TFDP2: variants seen among roughly 807,000 people sequenced by gnomAD.
The protein encoded by TFDP2 is transcription factor Dp-2, also known as transcription factor Dp-2 (E2F dimerization partner 2).
In TFDP2, 17 loss-of-function variants were observed where a neutral mutation model predicts 59.3. That is an observed-to-expected ratio of 0.29 (90% confidence interval 0.20 to 0.43). The LOEUF (loss-of-function observed/expected upper bound fraction) is 0.43. TFDP2 is among the 20% of genes least tolerant of loss of function. The probability of loss-of-function intolerance (pLI) is 1.00; values close to 1 mark genes in which losing one functional copy is unlikely to be tolerated. For missense variants in TFDP2, 391 were observed against 528.8 expected (o/e 0.74, Z 2.56); for synonymous variants, 180 against 194.7 (o/e 0.92, Z 0.63).
chr3:141,989,619 A>G (rs574247960), intron 6 of TFDP2: 1 of 152,246 alleles, frequency 6.6e-6, no homozygotes, highest in East Asian at 1.9e-4. Flanking sequence ...CCAGCTGCTA[A>G]AAGTCTTTAT....
chr3:141,985,354 C>A (rs1941967364), intron 6 of TFDP2, among the ~76,000 whole-genome samples: 1 of 151,638 alleles, frequency 6.6e-6, no homozygotes, highest in African/African-American at 2.4e-5. Context: ...CATAGTGAGA[C>A]CTCATCTCTA....
At chr3:142,020,708 G>A (rs1333451783) in intron 3 of TFDP2, among the ~76,000 whole-genome samples, 1 of 151,374 alleles carries the variant, frequency 6.6e-6, no homozygotes, top group East Asian at 1.9e-4. Context: ...TTCAGGCTAG[G>A]TGTGATGACT....
rs142598439 is a variant in TFDP2, at chr3:142,044,226, G to GTTT, written c.83-38685_83-38683dup. 1.1e-3 allele frequency: 135 copies of GTTT among 118,224 alleles called. 1 individual carries two copies. Among genetic ancestry groups the GTTT allele is most frequent in the South Asian group, 3.5e-3 (23 of 6,546 alleles). The allele number at this position is 118,224 out of a possible 1,614,324, so 7.3% of individuals were successfully genotyped here. A position where few individuals can be genotyped will look rare whatever the true frequency, so the allele number is the denominator to read the frequency against. ...CTGCGGCGGCGGCAGCAGCAAAAGG[G>GTTT]TTTTTTTTTTTTTTTTTTTTTTTTT... On this transcript the variant is annotated intron_variant, in intron 3 of 12. Coordinates refer to ENST00000489671, the MANE Select transcript of TFDP2 (RefSeq NM_001178139.2).
intron 1 of TFDP2, among the ~76,000 whole-genome samples, chr3:142,112,194 C>T (rs1380007134): frequency 6.6e-6 from 1 of 152,190 alleles, no homozygotes; most frequent in Non-Finnish European, 1.5e-5. Flanking sequence ...CATTCTAATT[C>T]TTTAAAAACC....
intron 1 of TFDP2, among the ~76,000 whole-genome samples, chr3:142,132,153 A>G (rs1270821341): frequency 6.6e-6 from 1 of 150,388 alleles, no homozygotes; most frequent in East Asian, 1.9e-4. Context: ...TGCAATATAA[A>G]GGGATGATTA....
intron 11 of TFDP2, among the ~76,000 whole-genome samples, chr3:141,955,478 T>C (rs929389133): frequency 3.3e-5 from 5 of 151,986 alleles, no homozygotes; most frequent in African/African-American, 1.2e-4. Context: ...GGACCCAGGC[T>C]GGAGAGCGTG....
At chr3:142,129,057 T>C (rs1406918388) in intron 1 of TFDP2, among the ~76,000 whole-genome samples, 8 of 152,028 alleles carry the variant, frequency 5.3e-5, no homozygotes, top group Non-Finnish European at 1.0e-4. Flanking sequence ...AACCTGTCAA[T>C]ACGAGTAACT....
At position 142,064,568 on chromosome 3, in the gene TFDP2, A is replaced by C. The variant is rs12054353; in HGVS notation, c.82+28493T>G. Among the ~76,000 whole-genome samples the C allele has an allele frequency of 3.9e-5, 6 of 152,312 alleles. No individual in the cohort carries two copies. The East Asian group carries it at 1.2e-3, about 29-fold the overall frequency. On this transcript the variant is annotated intron_variant, in intron 3 of 12. Transcript: ENST00000489671. Reference sequence around the variant, plus strand: ...TGGGAGACTGAGGACCTTATTGATAAATAATGTTTTCATCTTCTCTAATTC... The same window carrying C: ...TGGGAGACTGAGGACCTTATTGATACATAATGTTTTCATCTTCTCTAATTC...
intron 3 of TFDP2, among the ~76,000 whole-genome samples, chr3:142,087,056 T>C (rs1277194265): frequency 1.3e-5 from 2 of 152,104 alleles, no homozygotes; most frequent in African/African-American, 4.8e-5. Flanking sequence ...TACAAGGGTA[T>C]TAGGAACTCT....
At chr3:142,141,308 T>C (rs1436189406) in intron 1 of TFDP2, among the ~76,000 whole-genome samples, 3 of 152,210 alleles carry the variant, frequency 2.0e-5, no homozygotes, top group Non-Finnish European at 4.4e-5. Flanking sequence ...GGAAATCTTC[T>C]GATCCCTTGT....
chr3:141,955,860 T>G (rs1936549932), intron 11 of TFDP2, among the ~76,000 whole-genome samples: 1 of 152,172 alleles, frequency 6.6e-6, no homozygotes, highest in African/African-American at 2.4e-5. Flanking sequence ...CAGGCTGGAG[T>G]GCAGTGGTGC....
intron 3 of TFDP2, among the ~76,000 whole-genome samples, chr3:142,070,014 T>C (rs1390061995): frequency 6.6e-6 from 1 of 151,788 alleles, no homozygotes; most frequent in East Asian, 1.9e-4. Context: ...TAAGCTATTC[T>C]CCTGCCTCAG....
In TFDP2 at chr3:141,954,052, C is replaced by T. The variant is rs111681940; in HGVS notation, c.1052-1036G>A. Among the ~76,000 whole-genome samples the T allele has an allele frequency of 3.6e-3, 552 of 151,676 alleles. 2 individuals are homozygous for T. Among genetic ancestry groups the T allele is most frequent in the Non-Finnish European group, 5.2e-3 (353 of 67,906 alleles). On this transcript the variant is annotated intron_variant, in intron 11 of 12. Transcript: ENST00000489671. ...GTGCATGCCTGTAATCCTAGCTACTCGGGAGGCTGAGGCAGGAGAATCACT... is the reference window on the plus strand; with the variant it reads ...GTGCATGCCTGTAATCCTAGCTACTTGGGAGGCTGAGGCAGGAGAATCACT...
chr3:142,052,760 C>T (rs889379124), intron 3 of TFDP2, among the ~76,000 whole-genome samples: 12 of 152,092 alleles, frequency 7.9e-5, no homozygotes, highest in South Asian at 2.1e-4. Context: ...AGGGTAGTTC[C>T]GCCTCCCAAG....
intron 6 of TFDP2, among the ~76,000 whole-genome samples, chr3:141,982,903 C>T (rs1277506575): frequency 6.6e-6 from 1 of 152,120 alleles, no homozygotes; most frequent in African/African-American, 2.4e-5. Context: ...ATATTTTGAG[C>T]AGTTTACTCG....
intron 1 of TFDP2, among the ~76,000 whole-genome samples, chr3:142,148,161 C>G (rs1166149502): frequency 6.8e-6 from 1 of 147,648 alleles, no homozygotes; most frequent in Non-Finnish European, 1.5e-5. Context: ...TGAAAAGACA[C>G]AAAACTCAGA....
chr3:141,987,399 A>G (rs1942218839), intron 6 of TFDP2, among the ~76,000 whole-genome samples: 1 of 151,648 alleles, frequency 6.6e-6, no homozygotes, highest in Non-Finnish European at 1.5e-5. Flanking sequence ...CTCCTGCCTC[A>G]GCCTCCTGAG....
rs149173466 is a variant in TFDP2, at chr3:142,026,470, A to G, written c.83-20926T>C. On this transcript the variant is annotated intron_variant, in intron 3 of 12. Coordinates refer to ENST00000489671, the MANE Select transcript of TFDP2 (RefSeq NM_001178139.2). ...TTAGGCCAATTATTTAGAAAACTGT[A>G]TAATAATTAATCCATATGCAAATTT... 1.1e-3 allele frequency among the ~76,000 whole-genome samples: 163 copies of G among 152,332 alleles called. 2 individuals carry two copies. The highest frequency in any genetic ancestry group is 3.7e-3 in the African/African-American group (155 of 41,570).
intron 1 of TFDP2, among the ~76,000 whole-genome samples, chr3:142,143,015 C>T (rs1306823573): frequency 6.6e-6 from 1 of 152,222 alleles, no homozygotes; most frequent in Non-Finnish European, 1.5e-5. Flanking sequence ...GCGAGCAGAT[C>T]ACTTGAGGTC....
Sources: gnomAD v4.1 joint callset for allele counts (sites outside exome capture counted in the v4.1 genomes callset) on GRCh38, gnomAD v4.1.1 for gene constraint, MANE v1.5 for transcripts, NCBI Gene and HGNC (gene_info 2026-07-23, HGNC 2026-07-21) for gene names.